Variants in DAB2 observed in about 807,000 individuals in gnomAD.
DAB2 encodes the protein DAB adaptor protein 2.
Under a neutral mutation model 71.6 loss-of-function variants are expected in DAB2, and 28 were observed. The ratio of observed to expected loss-of-function variants is 0.39; its 90% CI spans 0.29 to 0.54. The LOEUF is 0.54. Among genes scored for constraint, DAB2 ranks in the 20% least tolerant of loss-of-function variants. The probability of loss-of-function intolerance (pLI) is 0.68; values close to 1 mark genes in which losing one functional copy is unlikely to be tolerated. For missense variants in DAB2, 867 were observed against 928.8 expected (o/e 0.93, Z 0.86); for synonymous variants, 345 against 339.7 (o/e 1.02, Z -0.17).
intron 1 of DAB2, among the ~76,000 whole-genome samples, chr5:39,399,161 G>C (rs924207274): frequency 1.3e-5 from 2 of 152,198 alleles, no homozygotes; most frequent in Non-Finnish European, 2.9e-5. Context: ...AGGGAAGCAA[G>C]TGAGTGCAGC....
chr5:39,377,592 T>C lies in DAB2; in HGVS notation c.1505-310A>G, dbSNP rs554500352. Among the ~76,000 whole-genome samples, 3 of 152,318 alleles carry C rather than the reference T, an allele frequency of 2.0e-5. No individual in the cohort carries two copies. In the South Asian group the frequency reaches 6.2e-4, roughly 32 times the overall value. ...TCATCAAAAAAATAAGCCCTTATCA[T>C]ACAGACACTAGTTGTCTGATACATC... On this transcript the variant is annotated intron_variant, in intron 11 of 14. Coordinates refer to ENST00000320816, the MANE Select transcript of DAB2 (RefSeq NM_001343.4).
intron 1 of DAB2, among the ~76,000 whole-genome samples, chr5:39,400,209 G>A (rs1755465155): frequency 1.3e-5 from 2 of 151,932 alleles, no homozygotes; most frequent in African/African-American, 2.4e-5. Flanking sequence ...ATTCCGAAAG[G>A]CCTATGAAAC....
In DAB2 at chr5:39,382,735, T is replaced by C. The variant is rs766184950; in HGVS notation, c.1224A>G (p.Ile408Met). Residue 408 changes from isoleucine (I) to methionine (M), a missense_variant, in exon 10 of 15, where the codon ATA (isoleucine) becomes ATG (methionine). Transcript: ENST00000320816. ...CCAAGTCCTGCTTTACGCCATTCTG[T>C]ATGGACAGTCCTTTGGGAGGGCTTC... ...FVGSPPKGLS[I>M]QNGVKQDLES... 4.3e-6 allele frequency: 7 copies of C among 1,614,066 alleles called. No individual in the cohort carries two copies. In the Middle Eastern group the frequency reaches 6.6e-4, roughly 152 times the overall value.
intron 1 of DAB2, among the ~76,000 whole-genome samples, chr5:39,413,416 T>G (rs1159152242): frequency 6.6e-6 from 1 of 152,170 alleles, no homozygotes; most frequent in Non-Finnish European, 1.5e-5. Flanking sequence ...CCCTACATTC[T>G]AAGATCGATT....
At chr5:39,388,954 C>G in intron 7 of DAB2, 102 bp from the exon 8 acceptor site, 1 of 1,306,646 alleles carries the variant, frequency 7.7e-7, no homozygotes, top group Non-Finnish European at 1.1e-6. Context: ...TTGGTATCAT[C>G]TTTTAACTAA....
rs1021730949 is a variant in DAB2 at position 39,397,510 on chromosome 5, C to T, written c.-101-3089G>A. Among the ~76,000 whole-genome samples the T allele has an allele frequency of 4.7e-4, 72 of 152,282 alleles. 2 individuals are homozygous for T. The highest frequency in any genetic ancestry group is 1.7e-3 in the African/African-American group (69 of 41,544). On this transcript the variant is annotated intron_variant, in intron 1 of 14. Coordinates refer to ENST00000320816, the MANE Select transcript of DAB2 (RefSeq NM_001343.4). Reference sequence around the variant, plus strand: ...TCAGTTTTCTAGCTAACAACTTATACCTAGTTAACACTTAATATCTGCGGC... The same window carrying T: ...TCAGTTTTCTAGCTAACAACTTATATCTAGTTAACACTTAATATCTGCGGC...
At chr5:39,413,522 A>G (rs1288978058) in intron 1 of DAB2, among the ~76,000 whole-genome samples, 1 of 152,200 alleles carries the variant, frequency 6.6e-6, no homozygotes, top group Non-Finnish European at 1.5e-5. Context: ...AAACAAAAAA[A>G]GAGCATCTTT....
At chr5:39,411,224 A>T (rs1403584568) in intron 1 of DAB2, among the ~76,000 whole-genome samples, 1 of 152,200 alleles carries the variant, frequency 6.6e-6, no homozygotes, top group Non-Finnish European at 1.5e-5. Context: ...ATTGAACTAA[A>T]AAAAGGTTTC....
intron 10 of DAB2, among the ~76,000 whole-genome samples, chr5:39,382,314 T>A (rs936036998): frequency 6.6e-5 from 10 of 152,192 alleles, no homozygotes; most frequent in African/African-American, 2.4e-4. Context: ...CAGAACACGA[T>A]GATCAAACTT....
intron 10 of DAB2, among the ~76,000 whole-genome samples, 171 bp downstream of exon 10, chr5:39,382,447 C>T (rs554702353): frequency 3.9e-5 from 6 of 152,332 alleles, no homozygotes; most frequent in South Asian, 4.1e-4. Context: ...AGCTTAAAAA[C>T]GGTGGCAGTT....
rs1221130006 is a variant in DAB2, at chr5:39,382,842, G to T, written c.1117C>A (p.Pro373Thr). The T allele has an allele frequency of 1.2e-6, 2 of 1,614,114 alleles. No individual in the cohort carries two copies. The highest frequency in any genetic ancestry group is 1.7e-6 in the Non-Finnish European group (2 of 1,180,018). The change falls in exon 10 of 15, where the codon CCA becomes ACA. Residue 373 changes from proline to threonine, a missense_variant. By Grantham distance (38) the Pro-to-Thr change is conservative. This residue lies in a region of DAB2 where 740 missense variants were observed against 734.3 expected (regional missense o/e 1.01). Transcript: ENST00000320816. ...ACCCCATTTTGAGTTCTCACTGCTGGCTGGGTTTGCGAACTTGAAAAGGGC... is the reference window on the plus strand; with the variant it reads ...ACCCCATTTTGAGTTCTCACTGCTGTCTGGGTTTGCGAACTTGAAAAGGGC... ...PWPFSSSQTQ[P>T]AVRTQNGVSE...
At chr5:39,391,348 G>C in intron 4 of DAB2, among the ~76,000 whole-genome samples, 1 of 152,136 alleles carries the variant, frequency 6.6e-6, no homozygotes, top group East Asian at 1.9e-4. Flanking sequence ...ATATCTTAGA[G>C]TATCTTAGAA....
At chr5:39,400,464 C>A (rs1165027243) in intron 1 of DAB2, among the ~76,000 whole-genome samples, 8 of 152,080 alleles carry the variant, frequency 5.3e-5, no homozygotes. Context: ...GAGCTCCTGA[C>A]CTCCCTCAGG....
intron 1 of DAB2, among the ~76,000 whole-genome samples, chr5:39,395,937 C>CTTTTTTTTATTTTTTTTTTTTT (rs1755356796): frequency 1.3e-5 from 1 of 74,858 alleles, no homozygotes; most frequent in Non-Finnish European, 2.3e-5. Context: ...CACAGATATT[C>CTTTTTTTTATTTTTTTTTTTTT]TTTTTTTTTT....
chr5:39,375,912 T>C, intron 13 of DAB2, 85 bp downstream of exon 13: 1 of 972,408 alleles, frequency 1.0e-6, no homozygotes, highest in Non-Finnish European at 1.6e-6. Flanking sequence ...AAATAAAAGC[T>C]ATTATAAAAG....
intron 13 of DAB2, 76 bp downstream of exon 13, chr5:39,375,921 A>G: frequency 9.4e-7 from 1 of 1,059,366 alleles, no homozygotes. Flanking sequence ...CTATTATAAA[A>G]GCAAGGTTAA....
At chr5:39,389,969 T>C in intron 5 of DAB2, 37 bp from the exon 6 acceptor site, 3 of 1,354,254 alleles carry the variant, frequency 2.2e-6, no homozygotes, top group Non-Finnish European at 3.0e-6. Flanking sequence ...CGTATTTTAA[T>C]TTTAGTATTT....
chr5:39,379,987 C>T (rs904023412), intron 11 of DAB2, among the ~76,000 whole-genome samples: 2 of 152,210 alleles, frequency 1.3e-5, no homozygotes, highest in Admixed American at 6.5e-5. Context: ...TATTTTCAGG[C>T]TGACTTGTTA....
chr5:39,414,498 A>G (rs1209778751), intron 1 of DAB2, among the ~76,000 whole-genome samples: 3 of 152,120 alleles, frequency 2.0e-5, no homozygotes, highest in African/African-American at 4.8e-5. Context: ...ATTCACCACA[A>G]TTCTTATTAG....
Sources: gnomAD v4.1 joint callset for allele counts (sites outside exome capture counted in the v4.1 genomes callset) on GRCh38, gnomAD v4.1.1 for gene constraint, gnomAD v4.1.1 regional missense constraint, MANE v1.5 for transcripts, NCBI Gene and HGNC (gene_info 2026-07-23, HGNC 2026-07-21) for gene names.